The following ZDHHC14 variants were observed in gnomAD, a reference collection of about 807,000 sequenced individuals.
The protein encoded by ZDHHC14 is palmitoyltransferase ZDHHC14.
A neutral mutation model predicts 47.7 loss-of-function variants in ZDHHC14; 16 were observed. The ratio of observed to expected loss-of-function variants is 0.34; its 90% confidence interval spans 0.23 to 0.51. The LOEUF is 0.51. Ranked by LOEUF, ZDHHC14 falls within the 20% of genes least tolerant of loss-of-function variation. ZDHHC14 has a pLI of 0.97. For synonymous variants in ZDHHC14, 293 were observed against 278.9 expected, an observed-to-expected ratio of 1.05 and a Z score of -0.50; for missense variants, 515 against 662.5, an observed-to-expected ratio of 0.78 and a Z score of 2.44.
chr6:157,415,907 A>G (rs1384984367), intron 1 of ZDHHC14, among the ~76,000 whole-genome samples: 1 of 152,122 alleles, frequency 6.6e-6, no homozygotes, highest in Non-Finnish European at 1.5e-5. Flanking sequence ...GTTGGCAAAA[A>G]TAACTCCAAG....
chr6:157,579,192 T>TGTG (rs1417459001), intron 2 of ZDHHC14, among the ~76,000 whole-genome samples: 9 of 102,636 alleles, frequency 8.8e-5, no homozygotes, highest in African/African-American at 3.6e-4. Context: ...GATTCTGTGT[T>TGTG]TTTTTTTTTT....
chr6:157,530,914 AT>A (rs1355035628), intron 1 of ZDHHC14, among the ~76,000 whole-genome samples: 1 of 152,180 alleles, frequency 6.6e-6, no homozygotes, highest in African/African-American at 2.4e-5. Flanking sequence ...AAAATCTTCA[AT>A]TCCTCTTTAT....
intron 1 of ZDHHC14, among the ~76,000 whole-genome samples, chr6:157,508,804 C>T (rs75578818): frequency 0.077 from 11,760 of 152,052 alleles, 1,087 homozygotes; most frequent in African/African-American, 0.19. Context: ...TTTAAATTCA[C>T]CTGCAATATC....
chr6:157,439,394 AAACATATTAAAAAAAGCTC>A (rs1337718068), intron 1 of ZDHHC14, among the ~76,000 whole-genome samples: 1 of 152,222 alleles, frequency 6.6e-6, no homozygotes, highest in Non-Finnish European at 1.5e-5. Context: ...TGTGGCCAAC[AAACATATTAAAAAAAGCTC>A]AACATCACTG....
intron 1 of ZDHHC14, among the ~76,000 whole-genome samples, chr6:157,518,079 G>A (rs531700959): frequency 3.9e-5 from 6 of 152,176 alleles, no homozygotes; most frequent in East Asian, 1.9e-4. Context: ...CACCCAGCAG[G>A]CTAAAGCTTG....
At chr6:157,570,770 CAT>C (rs200489975) in intron 2 of ZDHHC14, among the ~76,000 whole-genome samples, 215 of 121,582 alleles carry the variant, frequency 1.8e-3, no homozygotes, top group African/African-American at 4.8e-3. Context: ...CACACACACA[CAT>C]ATATATATAC....
intron 8 of ZDHHC14, among the ~76,000 whole-genome samples, chr6:157,667,010 C>A (rs1270452136): frequency 2.0e-5 from 3 of 152,290 alleles, no homozygotes; most frequent in Non-Finnish European, 1.5e-5. Flanking sequence ...GCAGAAAGGT[C>A]TTTTCATAGA....
At chr6:157,614,969 A>G (rs1013811868) in intron 3 of ZDHHC14, among the ~76,000 whole-genome samples, 10 of 151,874 alleles carry the variant, frequency 6.6e-5, no homozygotes, top group Admixed American at 4.6e-4. Context: ...GGATTTCACT[A>G]TGTTGACCAA....
At chr6:157,486,681 C>A (rs1424062908) in intron 1 of ZDHHC14, among the ~76,000 whole-genome samples, 3 of 152,112 alleles carry the variant, frequency 2.0e-5, no homozygotes, top group African/African-American at 7.2e-5. Context: ...TGCAGGAGCT[C>A]ACAGGGAGCC....
chr6:157,475,220 C>T (rs1779452430), intron 1 of ZDHHC14, among the ~76,000 whole-genome samples: 2 of 152,096 alleles, frequency 1.3e-5, no homozygotes, highest in South Asian at 4.1e-4. Context: ...GCTCTCTGTT[C>T]CATTGGCCAA....
rs1777653741 is a variant in ZDHHC14, at chr6:157,648,215, G to A, written c.965+847G>A. Among the ~76,000 whole-genome samples the A allele has an allele frequency of 2.6e-5, 4 of 152,178 alleles. No individual in the cohort carries two copies. In the South Asian group the frequency reaches 8.3e-4, roughly 32 times the overall value. On this transcript the variant is annotated intron_variant, in intron 7 of 8. Transcript: ENST00000359775. ...AAACCATGATCAACAAATAGATATTGAGCAAATCTACCTGGTCTCTAGAAT... is the reference window on the plus strand; with the variant it reads ...AAACCATGATCAACAAATAGATATTAAGCAAATCTACCTGGTCTCTAGAAT...
At chr6:157,649,401 T>C (rs748034311) in intron 7 of ZDHHC14, among the ~76,000 whole-genome samples, 1 of 152,230 alleles carries the variant, frequency 6.6e-6, no homozygotes, top group Non-Finnish European at 1.5e-5. Context: ...AGGCCACTCA[T>C]AGGCTTCCGG....
chr6:157,564,349 G>A (rs753829839), intron 2 of ZDHHC14, among the ~76,000 whole-genome samples: 28 of 152,178 alleles, frequency 1.8e-4, no homozygotes, highest in Non-Finnish European at 3.4e-4. Context: ...TTCCAGAAGT[G>A]GGGTTGGGGG....
At chr6:157,669,036 C>T (rs1394303143) in intron 8 of ZDHHC14, among the ~76,000 whole-genome samples, 1 of 152,198 alleles carries the variant, frequency 6.6e-6, no homozygotes. Context: ...GAGCCTGAAG[C>T]ATCATTAGCT....
chr6:157,592,714 G>C (rs1305479781), intron 2 of ZDHHC14: 1 of 1,190,488 alleles, frequency 8.4e-7, no homozygotes, highest in Admixed American at 4.3e-5. Flanking sequence ...AAAGGGCGGG[G>C]CTCCACAGGG....
In ZDHHC14 at chr6:157,645,720, T is replaced by G; in HGVS notation, c.753-17T>G. 6.8e-6 allele frequency: 11 copies of G among 1,611,350 alleles called. No individual in the cohort carries two copies. The highest frequency in any genetic ancestry group is 9.3e-6 in the Non-Finnish European group (11 of 1,178,418). On this transcript the variant is annotated splice_polypyrimidine_tract_variant and intron_variant, in intron 5 of 8. Transcript: ENST00000359775. Reference sequence around the variant, plus strand: ...GCGCGGTCCCTCACTTCCGCTTGCCTCCTTGACTCGCATCACCGTCCTGGA... The same window carrying G: ...GCGCGGTCCCTCACTTCCGCTTGCCGCCTTGACTCGCATCACCGTCCTGGA...
At chr6:157,450,927 A>T (rs910352610) in intron 1 of ZDHHC14, among the ~76,000 whole-genome samples, 1 of 152,164 alleles carries the variant, frequency 6.6e-6, no homozygotes, top group Non-Finnish European at 1.5e-5. Context: ...ATGTCTTTGT[A>T]TAAAAACATT....
chr6:157,555,747 G>C (rs35573841), intron 2 of ZDHHC14, among the ~76,000 whole-genome samples: 3 of 151,930 alleles, frequency 2.0e-5, no homozygotes, highest in African/African-American at 4.8e-5. Context: ...TGTGGGCCCC[G>C]CACCCCCACC....
intron 7 of ZDHHC14, among the ~76,000 whole-genome samples, chr6:157,650,091 C>T (rs1423171024): frequency 6.7e-6 from 1 of 149,464 alleles, no homozygotes; most frequent in African/African-American, 2.5e-5. Context: ...GAGGGGCTGG[C>T]TCTGTGCCAG....
Sources: allele counts gnomAD v4.1 joint callset (sites outside exome capture counted in the v4.1 genomes callset), GRCh38; gene constraint gnomAD v4.1.1; transcripts MANE v1.5; gene names NCBI Gene and HGNC (gene_info 2026-07-23, HGNC 2026-07-21).